GPC6: variants seen among roughly 807,000 people sequenced by gnomAD.
GPC6 encodes glypican-6.
A neutral mutation model predicts 55.2 loss-of-function variants in GPC6; 14 were observed. The ratio of observed to expected loss-of-function variants is 0.25; its 90% CI spans 0.17 to 0.40. The LOEUF (loss-of-function observed/expected upper bound fraction) is 0.40, where lower values mean the gene tolerates loss of function less well. Ranked by LOEUF, GPC6 falls within the 10% of genes least tolerant of loss-of-function variation. The probability of loss-of-function intolerance (pLI) is 1.00; values close to 1 mark genes in which losing one functional copy is unlikely to be tolerated. For missense variants in GPC6, 641 were observed against 708.5 expected (o/e 0.90, Z 1.08); for synonymous variants, 278 against 259.6 (o/e 1.07, Z -0.68).
intron 6 of GPC6, among the ~76,000 whole-genome samples, chr13:94,326,555 T>C (rs1321806518): frequency 1.3e-5 from 2 of 152,224 alleles, no homozygotes; most frequent in Non-Finnish European, 2.9e-5. Flanking sequence ...AGAACAGTTT[T>C]AGTTTCACAT....
chr13:93,663,534 C>A (rs574607021), intron 2 of GPC6, among the ~76,000 whole-genome samples: 1 of 152,224 alleles, frequency 6.6e-6, no homozygotes, highest in South Asian at 2.1e-4. Flanking sequence ...AAGACAGATC[C>A]GTCTCTGAAT....
chr13:93,942,708 C>CT (rs1177780815), intron 3 of GPC6, among the ~76,000 whole-genome samples: 1 of 152,152 alleles, frequency 6.6e-6, no homozygotes, highest in Non-Finnish European at 1.5e-5. Flanking sequence ...AGCTCATTCT[C>CT]AAGAGGAGGG....
chr13:93,519,100 T>G (rs1881312846), intron 1 of GPC6, among the ~76,000 whole-genome samples: 1 of 152,020 alleles, frequency 6.6e-6, no homozygotes, highest in Non-Finnish European at 1.5e-5. Context: ...GCCTAAAGTA[T>G]TTTTCTAAAA....
intron 1 of GPC6, among the ~76,000 whole-genome samples, chr13:93,382,600 G>T (rs1875226547): frequency 6.6e-6 from 1 of 152,074 alleles, no homozygotes; most frequent in South Asian, 2.1e-4. Context: ...TCTGATTTGT[G>T]AATCCTTAGG....
At chr13:93,225,006 G>A (rs1415443045), upstream of GPC6, among the ~76,000 whole-genome samples, 1 of 152,166 alleles carries the variant, frequency 6.6e-6, no homozygotes, top group Admixed American at 6.5e-5. Context: ...TGTATTGAGT[G>A]CTCATTCAAT....
intron 2 of GPC6, among the ~76,000 whole-genome samples, chr13:93,672,092 G>A (rs1188552996): frequency 2.7e-5 from 4 of 150,016 alleles, no homozygotes; most frequent in Non-Finnish European, 5.9e-5. Flanking sequence ...ACAGAACAAC[G>A]TAGAAAAAAG....
chr13:93,718,974 T>G (rs897782774), intron 2 of GPC6, among the ~76,000 whole-genome samples: 1 of 152,096 alleles, frequency 6.6e-6, no homozygotes. Context: ...CAAGCTGTTT[T>G]GGTTACTGTA....
At chr13:94,003,258 G>C (rs1881883501) in intron 3 of GPC6, among the ~76,000 whole-genome samples, 1 of 152,168 alleles carries the variant, frequency 6.6e-6, no homozygotes, top group Admixed American at 6.5e-5. Context: ...AAACTTAGAT[G>C]CTGAACTGTT....
intron 2 of GPC6, among the ~76,000 whole-genome samples, chr13:93,789,509 C>CTCTCTCTATATATA (rs1363454667): frequency 8.6e-5 from 8 of 93,458 alleles, no homozygotes; most frequent in African/African-American, 3.4e-4. Context: ...CTCTCTCTCT[C>CTCTCTCTATATATA]TATATATATA....
chr13:93,355,708 G>T (rs1880822363), intron 1 of GPC6, among the ~76,000 whole-genome samples: 1 of 152,220 alleles, frequency 6.6e-6, no homozygotes, highest in Admixed American at 6.5e-5. Context: ...TTGTGCAGCA[G>T]TGTATTGACT....
intron 2 of GPC6, among the ~76,000 whole-genome samples, chr13:93,682,590 G>A (rs1881887238): frequency 6.6e-6 from 1 of 152,014 alleles, no homozygotes; most frequent in African/African-American, 2.4e-5. Flanking sequence ...GATTTTAGAA[G>A]GCACATTCAG....
chr13:93,231,410 T>TAC (rs1208457703), intron 1 of GPC6, among the ~76,000 whole-genome samples: 6 of 38,190 alleles, frequency 1.6e-4, no homozygotes, highest in South Asian at 1.7e-3. Flanking sequence ...TATATATATA[T>TAC]ATATATATAT....
intron 1 of GPC6, among the ~76,000 whole-genome samples, chr13:93,424,629 T>TCATCATCTTCA: frequency 7.9e-6 from 1 of 127,080 alleles, no homozygotes; most frequent in South Asian, 2.7e-4. Flanking sequence ...CATCATCATC[T>TCATCATCTTCA]TCATCATCAT....
intron 3 of GPC6, among the ~76,000 whole-genome samples, chr13:93,966,670 T>TTTTA (rs1880058978): frequency 7.0e-6 from 1 of 143,394 alleles, no homozygotes; most frequent in African/African-American, 2.5e-5. Context: ...TTTTTTTTTT[T>TTTTA]GAGATGTGGT....
chr13:94,306,686 TC>T (rs756875959), intron 6 of GPC6, among the ~76,000 whole-genome samples: 6 of 152,280 alleles, frequency 3.9e-5, no homozygotes, highest in Non-Finnish European at 5.9e-5. Context: ...CTTAGTGATA[TC>T]CATCATCAAA....
At position 94,377,758 on chromosome 13, in the gene GPC6, G is replaced by A. The variant is rs1342502046; in HGVS notation, c.1153-4656G>A. On this transcript the variant is annotated intron_variant, in intron 6 of 8. Transcript: ENST00000377047. The stretch of plus-strand genomic sequence containing the variant: ...AGACACATGCACACGTATGTTTACT[G>A]TGGCATTATTCACAATAGCAAAGAC... Among the ~76,000 whole-genome samples the A allele has an allele frequency of 6.6e-5, 10 of 152,302 alleles. No individual in the cohort carries two copies. In the East Asian group the frequency reaches 1.9e-3, roughly 29 times the overall value.
intron 3 of GPC6, among the ~76,000 whole-genome samples, chr13:93,929,948 T>C (rs1426490232): frequency 6.6e-6 from 1 of 152,102 alleles, no homozygotes; most frequent in East Asian, 1.9e-4. Flanking sequence ...TTGGCGAGTA[T>C]GGCACAATCT....
chr13:93,848,041 A>AT (rs1888259488), intron 3 of GPC6, among the ~76,000 whole-genome samples: 1 of 152,132 alleles, frequency 6.6e-6, no homozygotes. Flanking sequence ...TGAACACAAC[A>AT]TTGACTCAAT....
chr13:94,271,181 C>T (rs906410054), intron 4 of GPC6, among the ~76,000 whole-genome samples: 2 of 150,780 alleles, frequency 1.3e-5, no homozygotes, highest in African/African-American at 2.4e-5. Context: ...TTAGTAGAGA[C>T]GGGGTTTCAC....
Sources: allele counts gnomAD v4.1 joint callset (sites outside exome capture counted in the v4.1 genomes callset), GRCh38; gene constraint gnomAD v4.1.1; transcripts MANE v1.5; gene names NCBI Gene and HGNC (gene_info 2026-07-23, HGNC 2026-07-21).